The following RAB3IP variants were observed in gnomAD, a reference collection of about 807,000 sequenced individuals.
RAB3IP encodes RAB3A interacting protein.
Under a neutral mutation model 59.1 loss-of-function variants are expected in RAB3IP, and 36 were observed. That is an observed-to-expected ratio of 0.61 (90% CI 0.47 to 0.80). The LOEUF (loss-of-function observed/expected upper bound fraction) is 0.80. Among genes scored for constraint, RAB3IP ranks in the 30% least tolerant of loss-of-function variants. The probability of loss-of-function intolerance (pLI) is 0.00; values close to 1 mark genes in which losing one functional copy is unlikely to be tolerated. For synonymous variants in RAB3IP, 207 were observed against 191.2 expected (o/e 1.08, Z -0.68); for missense variants, 511 against 536.0 (o/e 0.95, Z 0.46).
chr12:69,809,694 G>A (rs1880089950), intron 8 of RAB3IP, among the ~76,000 whole-genome samples: 1 of 152,064 alleles, frequency 6.6e-6, no homozygotes, highest in Non-Finnish European at 1.5e-5. Context: ...GATTGCATCG[G>A]TTACTGAGGC....
At chr12:69,808,233 T>C (rs531815543) in intron 8 of RAB3IP, among the ~76,000 whole-genome samples, 1 of 152,356 alleles carries the variant, frequency 6.6e-6, no homozygotes, top group East Asian at 1.9e-4. Flanking sequence ...AGTTCTAGTT[T>C]GATTGCACTG....
chr12:69,751,405 A>G (rs1402245020), intron 1 of RAB3IP, among the ~76,000 whole-genome samples: 1 of 152,056 alleles, frequency 6.6e-6, no homozygotes, highest in Admixed American at 6.6e-5. Flanking sequence ...TTTGGAGGAC[A>G]TGGTATTACT....
intron 3 of RAB3IP, among the ~76,000 whole-genome samples, chr12:69,766,158 A>G (rs1872164061): frequency 6.6e-6 from 1 of 152,196 alleles, no homozygotes; most frequent in Admixed American, 6.5e-5. Flanking sequence ...TTTGGATAGT[A>G]TCTTGCAGTT....
rs887149988 is a variant in RAB3IP at position 69,821,890 on chromosome 12, T to C, written c.*6444T>C. On this transcript the variant is annotated 3_prime_UTR_variant, in exon 11 of 11. Transcript: ENST00000247833. Reference sequence around the variant, plus strand: ...CTAAGGGACCCACTTTACTCACTTATCTGCTGGGCCTTGGAAGTATTTCAG... The same window carrying C: ...CTAAGGGACCCACTTTACTCACTTACCTGCTGGGCCTTGGAAGTATTTCAG... The C allele has an allele frequency of 2.0e-5, 3 of 152,204 alleles. No individual in the cohort carries two copies. The highest frequency in any genetic ancestry group is 2.1e-4 in the South Asian group (1 of 4,832). 9.4% of individuals were successfully genotyped at this position (152,204 alleles called of 1,614,324 possible). A position where few individuals can be genotyped will look rare whatever the true frequency, so the allele number is the denominator to read the frequency against.
chr12:69,779,342 A>G (rs1382974898), intron 3 of RAB3IP, among the ~76,000 whole-genome samples: 1 of 148,650 alleles, frequency 6.7e-6, no homozygotes, highest in African/African-American at 2.5e-5. Flanking sequence ...TGAACCCGGT[A>G]CCTCAGATGG....
intron 1 of RAB3IP, among the ~76,000 whole-genome samples, chr12:69,742,329 A>G (rs1331805268): frequency 1.3e-5 from 2 of 152,230 alleles, no homozygotes; most frequent in Admixed American, 6.5e-5. Context: ...TATCCTAAAA[A>G]CAAAATATCT....
chr12:69,801,409 A>G (rs566509498), intron 7 of RAB3IP, among the ~76,000 whole-genome samples, 200 bp from the exon 8 acceptor site: 1 of 152,318 alleles, frequency 6.6e-6, no homozygotes, highest in Non-Finnish European at 1.5e-5. Flanking sequence ...ATTTTACCAT[A>G]AGTGAATTGC....
intron 1 of RAB3IP, among the ~76,000 whole-genome samples, chr12:69,751,808 T>G (rs990289317): frequency 1.3e-5 from 2 of 152,168 alleles, no homozygotes; most frequent in African/African-American, 4.8e-5. Context: ...AGCTACCATC[T>G]CAGTACACAA....
chr12:69,739,770 A>G (rs1887099823), intron 1 of RAB3IP: 7 of 1,568,354 alleles, frequency 4.5e-6, no homozygotes, highest in Middle Eastern at 1.7e-4. Flanking sequence ...CCGACCGCCC[A>G]GGAAGCGCGA....
intron 3 of RAB3IP, among the ~76,000 whole-genome samples, chr12:69,761,138 A>G (rs963093285): frequency 9.2e-5 from 14 of 152,146 alleles, no homozygotes; most frequent in Middle Eastern, 3.4e-3. Context: ...TTCTATTGCT[A>G]TGTCTTCAAA....
intron 3 of RAB3IP, among the ~76,000 whole-genome samples, chr12:69,768,376 A>G (rs907277698): frequency 2.0e-5 from 3 of 152,186 alleles, no homozygotes; most frequent in Non-Finnish European, 4.4e-5. Context: ...ACCACAATCT[A>G]TGTCCATGAC....
chr12:69,758,552 A>G (rs557982763), intron 3 of RAB3IP, among the ~76,000 whole-genome samples: 1 of 152,280 alleles, frequency 6.6e-6, no homozygotes, highest in South Asian at 2.1e-4. Flanking sequence ...CAAACCTTAC[A>G]AAAGTATACT....
At chr12:69,805,629 G>T (rs1397813373) in intron 8 of RAB3IP, among the ~76,000 whole-genome samples, 1 of 151,340 alleles carries the variant, frequency 6.6e-6, no homozygotes, top group Non-Finnish European at 1.5e-5. Flanking sequence ...TATTGGCTGT[G>T]GGTTTGTCAT....
chr12:69,811,820 G>C (rs2067370398), intron 8 of RAB3IP, among the ~76,000 whole-genome samples: 1 of 151,934 alleles, frequency 6.6e-6, no homozygotes, highest in Non-Finnish European at 1.5e-5. Flanking sequence ...TAATACAAAG[G>C]CACTTTTGTA....
At chr12:69,809,314 T>C (rs1468305664) in intron 8 of RAB3IP, among the ~76,000 whole-genome samples, 1 of 152,214 alleles carries the variant, frequency 6.6e-6, no homozygotes, top group Non-Finnish European at 1.5e-5. Context: ...CCGACCTTTC[T>C]CTCTGGCTGC....
intron 1 of RAB3IP, among the ~76,000 whole-genome samples, chr12:69,749,118 G>C (rs1022729525): frequency 1.3e-5 from 2 of 152,216 alleles, no homozygotes; most frequent in Non-Finnish European, 2.9e-5. Context: ...TCTGTGGCCT[G>C]TTAAGAATTG....
At chr12:69,807,441 C>A in intron 8 of RAB3IP, among the ~76,000 whole-genome samples, 1 of 148,370 alleles carries the variant, frequency 6.7e-6, no homozygotes, top group South Asian at 2.2e-4. Flanking sequence ...GGCGGAGGCG[C>A]TCCTCACATC....
intron 8 of RAB3IP, among the ~76,000 whole-genome samples, chr12:69,806,637 G>A (rs1879350027): frequency 6.9e-6 from 1 of 145,178 alleles, no homozygotes; most frequent in African/African-American, 2.6e-5. Context: ...GGGGGTATGT[G>A]GCAGTGTCAT....
chr12:69,806,294 A>G lies in RAB3IP; in HGVS notation c.1130+4573A>G, dbSNP rs960271996. ...CTAGTTTATTTGCATAGAGGTGTTT[A>G]TAGTATTCTCTGATGGTAGTTTGTA... On this transcript the variant is annotated intron_variant, in intron 8 of 10. Coordinates refer to ENST00000247833, the MANE Select transcript of RAB3IP (RefSeq NM_022456.5). 3.6e-4 allele frequency among the ~76,000 whole-genome samples: 55 copies of G among 152,150 alleles called. 1 individual carries two copies. Among genetic ancestry groups the G allele is most frequent in the African/African-American group, 1.3e-3 (53 of 41,444 alleles).
Sources: allele counts gnomAD v4.1 joint callset (sites outside exome capture counted in the v4.1 genomes callset), GRCh38; gene constraint gnomAD v4.1.1; transcripts MANE v1.5; gene names NCBI Gene and HGNC (gene_info 2026-07-23, HGNC 2026-07-21).